ANO3: variants seen among roughly 807,000 people sequenced by gnomAD.
ANO3 encodes the protein anoctamin-3.
ANO3 carries 99 observed loss-of-function variants against 144.8 expected under a neutral mutation model. The ratio of observed to expected loss-of-function variants is 0.68; its 90% CI spans 0.58 to 0.81. The LOEUF (loss-of-function observed/expected upper bound fraction) is 0.81. Ranked by LOEUF, ANO3 falls within the 30% of genes least tolerant of loss-of-function variation. The pLI, the probability that ANO3 is intolerant of heterozygous loss-of-function variation, is 0.00. For synonymous variants in ANO3, 414 were observed against 392.6 expected, an observed-to-expected ratio of 1.05 and a Z score of -0.64; for missense variants, 905 against 1,202.2, an observed-to-expected ratio of 0.75 and a Z score of 3.66.
chr11:26,327,509 A>ACAG (rs943774689), upstream of ANO3, among the ~76,000 whole-genome samples: 60 of 152,212 alleles, frequency 3.9e-4, no homozygotes, highest in African/African-American at 1.4e-3. Flanking sequence ...AGTGGAGAAA[A>ACAG]CAGCAGCAGC....
chr11:26,288,567 G>A (rs954419451), intron 1 of ANO3, among the ~76,000 whole-genome samples: 1 of 152,106 alleles, frequency 6.6e-6, no homozygotes, highest in Non-Finnish European at 1.5e-5. Flanking sequence ...ACAAACTGGG[G>A]TTAATAAATA....
intron 4 of ANO3, among the ~76,000 whole-genome samples, chr11:26,488,657 C>T (rs1050989389): frequency 6.6e-6 from 1 of 152,126 alleles, no homozygotes; most frequent in African/African-American, 2.4e-5. Flanking sequence ...GGTGTTTGTT[C>T]CTCCCAGTGG....
intron 10 of ANO3, among the ~76,000 whole-genome samples, chr11:26,539,243 G>T (rs1849586030): frequency 6.6e-6 from 1 of 151,986 alleles, no homozygotes; most frequent in South Asian, 2.1e-4. Flanking sequence ...GAGAGGAAAT[G>T]TGTGTAGGTC....
chr11:26,371,965 G>A (rs538835746), intron 1 of ANO3, among the ~76,000 whole-genome samples: 4 of 152,306 alleles, frequency 2.6e-5, no homozygotes, highest in Admixed American at 1.3e-4. Context: ...TTCAGACTTT[G>A]TGGTACTATT....
At chr11:26,586,412 A>G (rs1395122334) in intron 14 of ANO3, among the ~76,000 whole-genome samples, 1 of 119,022 alleles carries the variant, frequency 8.4e-6, no homozygotes, top group Non-Finnish European at 1.7e-5. Flanking sequence ...ACAAATAATT[A>G]TTGTTGAGCA....
chr11:26,203,670 TAGG>T (rs779769066), intron 1 of ANO3, among the ~76,000 whole-genome samples: 8 of 152,264 alleles, frequency 5.3e-5, no homozygotes, highest in Middle Eastern at 6.8e-3. Context: ...TCTTCTAGTA[TAGG>T]AAGCACATCA....
intron 1 of ANO3, among the ~76,000 whole-genome samples, chr11:26,266,343 A>G (rs1452041467): frequency 6.6e-6 from 1 of 152,158 alleles, no homozygotes; most frequent in African/African-American, 2.4e-5. Flanking sequence ...TTTATTGGGC[A>G]CCTATTATAT....
At position 26,217,331 on chromosome 11, in the gene ANO3, C is replaced by G. The variant is rs190616414; in HGVS notation, c.154+28001C>G. Among the ~76,000 whole-genome samples the G allele has an allele frequency of 1.1e-4, 17 of 152,168 alleles. No individual in the cohort carries two copies. The East Asian group carries it at 2.3e-3, about 21-fold the overall frequency. ...AGGACATTTTTTAAAATCATCCCCC[C>G]CATCTATCAATCTCTATCCCTCTCT... On this transcript the variant is annotated intron_variant, in intron 1 of 27. Transcript: ENST00000672621.
intron 6 of ANO3, among the ~76,000 whole-genome samples, chr11:26,521,944 G>A (rs988493516): frequency 8.5e-5 from 13 of 152,184 alleles, no homozygotes; most frequent in Admixed American, 2.6e-4. Flanking sequence ...CAGCACTTTG[G>A]GAGGCCGAAG....
chr11:26,599,659 C>T lies in ANO3; in HGVS notation c.1781C>T (p.Ala594Val), dbSNP rs867965646. ...TTCATCAAACAATACTGGCAGTTTGCAACATCTGCTGCTGCTGTCTGTATC... is the reference window on the plus strand; with the variant it reads ...TTCATCAAACAATACTGGCAGTTTGTAACATCTGCTGCTGCTGTCTGTATC... ...WNFIKQYWQF[A>V]TSAAAVCINF... The change falls in exon 17 of 27, where the codon GCA becomes GTA. Residue 594 changes from alanine to valine, a missense_variant. Physicochemically the swap from Ala to Val is moderately conservative, Grantham distance 64 (BLOSUM62 0). Transcript: ENST00000256737. 6.2e-5 allele frequency: 100 copies of T among 1,613,972 alleles called. No homozygotes were observed. The highest frequency in any genetic ancestry group is 8.3e-5 in the Non-Finnish European group (98 of 1,180,002).
intron 14 of ANO3, among the ~76,000 whole-genome samples, chr11:26,562,667 T>C (rs1008936465): frequency 6.6e-6 from 1 of 151,820 alleles, no homozygotes; most frequent in African/African-American, 2.4e-5. Flanking sequence ...CTCATTAAGA[T>C]GGTTAATGGA....
intron 1 of ANO3, among the ~76,000 whole-genome samples, chr11:26,397,873 G>C (rs1857055687): frequency 5.0e-5 from 1 of 20,164 alleles, no homozygotes; most frequent in African/African-American, 8.4e-5. Flanking sequence ...GACACAGTAA[G>C]AATTTTTTTT....
chr11:26,611,903 A>G (rs545262936), intron 17 of ANO3, among the ~76,000 whole-genome samples: 2 of 151,750 alleles, frequency 1.3e-5, no homozygotes, highest in South Asian at 4.2e-4. Flanking sequence ...AGTCTATTTC[A>G]TCTCATATAA....
At chr11:26,219,755 T>G (rs939903714) in intron 1 of ANO3, among the ~76,000 whole-genome samples, 1 of 152,050 alleles carries the variant, frequency 6.6e-6, no homozygotes, top group Non-Finnish European at 1.5e-5. Flanking sequence ...AATGTATTAC[T>G]TACAGATAGA....
chr11:26,611,230 T>C (rs1197582145), intron 17 of ANO3, among the ~76,000 whole-genome samples: 1 of 152,140 alleles, frequency 6.6e-6, no homozygotes, highest in African/African-American at 2.4e-5. Flanking sequence ...GAATCTTTGT[T>C]TATTGTTTAG....
chr11:26,648,086 C>A (rs1226052825), intron 24 of ANO3, among the ~76,000 whole-genome samples: 1 of 151,940 alleles, frequency 6.6e-6, no homozygotes, highest in African/African-American at 2.4e-5. Context: ...TCACAAGTAT[C>A]AAAATATTAA....
At chr11:26,444,702 C>G (rs1043520805) in intron 3 of ANO3, among the ~76,000 whole-genome samples, 2 of 152,116 alleles carry the variant, frequency 1.3e-5, no homozygotes, top group Non-Finnish European at 2.9e-5. Context: ...AATTTCTGGC[C>G]TAAAAACTGT....
intron 1 of ANO3, among the ~76,000 whole-genome samples, chr11:26,248,295 G>A (rs1193872276): frequency 6.6e-6 from 1 of 151,866 alleles, no homozygotes; most frequent in Non-Finnish European, 1.5e-5. Context: ...CCCAGATCGC[G>A]CCACTGCACT....
At chr11:26,588,647 C>T (rs1218133466) in intron 14 of ANO3, among the ~76,000 whole-genome samples, 1 of 152,160 alleles carries the variant, frequency 6.6e-6, no homozygotes, top group Non-Finnish European at 1.5e-5. Context: ...GTGACAGACA[C>T]ATTTAAACTT....
Sources: allele counts gnomAD v4.1 joint callset (sites outside exome capture counted in the v4.1 genomes callset), GRCh38; gene constraint gnomAD v4.1.1; transcripts MANE v1.5; gene names NCBI Gene and HGNC (gene_info 2026-07-23, HGNC 2026-07-21).